Variants in RCAN2 observed in about 807,000 individuals in gnomAD.
RCAN2 encodes the protein regulator of calcineurin 2.
Under a neutral mutation model 23.6 loss-of-function variants are expected in RCAN2, and 9 were observed. That is an observed-to-expected ratio of 0.38 (90% CI 0.23 to 0.67). The LOEUF is 0.67. Among genes scored for constraint, RCAN2 ranks in the 30% least tolerant of loss-of-function variants. The pLI is 0.51. For missense variants in RCAN2, 273 were observed against 302.3 expected (o/e 0.90, Z 0.72); for synonymous variants, 109 against 115.7 (o/e 0.94, Z 0.37).
intron 4 of RCAN2, among the ~76,000 whole-genome samples, chr6:46,227,997 A>C (rs1765735890): frequency 6.6e-6 from 1 of 152,198 alleles, no homozygotes; most frequent in South Asian, 2.1e-4. Flanking sequence ...TTGGTTTCAA[A>C]GAACATCTTT....
intron 2 of RCAN2, among the ~76,000 whole-genome samples, chr6:46,444,990 C>T (rs745606483): frequency 2.6e-5 from 4 of 152,170 alleles, no homozygotes; most frequent in African/African-American, 4.8e-5. Flanking sequence ...CCAGTGTCCC[C>T]GGGCTCCAGT....
intron 1 of RCAN2, among the ~76,000 whole-genome samples, chr6:46,461,956 G>T (rs977856464): frequency 1.3e-5 from 2 of 152,180 alleles, no homozygotes; most frequent in Non-Finnish European, 2.9e-5. Context: ...CTACATGAAA[G>T]TCTTTTGAAG....
chr6:46,466,682 C>T (rs1768396055), intron 1 of RCAN2, among the ~76,000 whole-genome samples: 1 of 152,142 alleles, frequency 6.6e-6, no homozygotes, highest in African/African-American at 2.4e-5. Flanking sequence ...ATAAAAAACT[C>T]TTCAGCCCAG....
chr6:46,237,793 A>G (rs1264514971), intron 4 of RCAN2, among the ~76,000 whole-genome samples: 1 of 152,216 alleles, frequency 6.6e-6, no homozygotes. Flanking sequence ...CAGAATGCTC[A>G]TGCTTGGAAC....
At chr6:46,450,346 G>A (rs2150428451) in intron 2 of RCAN2, among the ~76,000 whole-genome samples, 1 of 152,152 alleles carries the variant, frequency 6.6e-6, no homozygotes, top group Admixed American at 6.5e-5. Context: ...TTGTTAGTGG[G>A]AATGTACATT....
chr6:46,232,474 C>T (rs924755834), intron 4 of RCAN2, among the ~76,000 whole-genome samples: 1 of 151,936 alleles, frequency 6.6e-6, no homozygotes, highest in Non-Finnish European at 1.5e-5. Flanking sequence ...TAAACACTGA[C>T]AATTAACTGG....
intron 2 of RCAN2, among the ~76,000 whole-genome samples, chr6:46,452,899 G>A (rs1010743812): frequency 2.0e-5 from 3 of 152,134 alleles, no homozygotes; most frequent in African/African-American, 7.2e-5. Flanking sequence ...AACAAAACCT[G>A]CACGTTCTGC....
At chr6:46,386,538 G>A (rs565176783) in intron 2 of RCAN2, among the ~76,000 whole-genome samples, 4 of 149,516 alleles carry the variant, frequency 2.7e-5, no homozygotes, top group South Asian at 2.1e-4. Context: ...AACTAGGGAG[G>A]TGGAGGTTGC....
intron 2 of RCAN2, among the ~76,000 whole-genome samples, chr6:46,384,341 T>C (rs1765687382): frequency 1.3e-5 from 2 of 152,162 alleles, no homozygotes; most frequent in Admixed American, 6.5e-5. Flanking sequence ...GACCAATATA[T>C]TATACATATT....
Position 46,420,868 on chromosome 6 carries a change from G to T in RCAN2, c.225+35884C>A, listed in dbSNP as rs551140635. Among the ~76,000 whole-genome samples, 4 of 152,114 alleles carry T rather than the reference G, an allele frequency of 2.6e-5. No homozygotes were observed. The South Asian group carries it at 6.2e-4, about 24-fold the overall frequency. On this transcript the variant is annotated intron_variant, in intron 2 of 4. Transcript: ENST00000371374. ...AGCCTGATCAACTATTTTTAACTGGGCACATAAAGATGCACAGACACTAGG... is the reference window on the plus strand; with the variant it reads ...AGCCTGATCAACTATTTTTAACTGGTCACATAAAGATGCACAGACACTAGG...
At chr6:46,339,898 A>G (rs1764251346) in intron 2 of RCAN2, among the ~76,000 whole-genome samples, 1 of 152,130 alleles carries the variant, frequency 6.6e-6, no homozygotes, top group African/African-American at 2.4e-5. Flanking sequence ...CCTCAGTGGA[A>G]AGCCATTCTC....
chr6:46,294,781 T>C (rs930770536), intron 2 of RCAN2, among the ~76,000 whole-genome samples: 1 of 152,212 alleles, frequency 6.6e-6, no homozygotes, highest in Non-Finnish European at 1.5e-5. Flanking sequence ...ACCACGGTTA[T>C]ATATTTGCTT....
intron 2 of RCAN2, among the ~76,000 whole-genome samples, chr6:46,329,535 A>T (rs555541174): frequency 6.6e-6 from 1 of 152,316 alleles, no homozygotes; most frequent in East Asian, 1.9e-4. Flanking sequence ...CATCTGAAAG[A>T]TGAATGGATA....
At chr6:46,244,179 G>A (rs767311689) in intron 4 of RCAN2, among the ~76,000 whole-genome samples, 3 of 152,220 alleles carry the variant, frequency 2.0e-5, no homozygotes, top group Non-Finnish European at 2.9e-5. Context: ...GGGTGCTATA[G>A]ATTAGCTGTA....
chr6:46,327,997 G>A (rs1181884409), intron 2 of RCAN2, among the ~76,000 whole-genome samples: 2 of 152,160 alleles, frequency 1.3e-5, no homozygotes, highest in Non-Finnish European at 1.5e-5. Flanking sequence ...CAAAGTAGAA[G>A]CAACACATTC....
In RCAN2 at chr6:46,456,771, A is replaced by G; in HGVS notation, c.206T>C (p.Phe69Ser). 1 of 1,550,866 alleles carries G rather than the reference A, an allele frequency of 6.4e-7. No homozygotes were observed. The highest frequency in any genetic ancestry group is 8.7e-7 in the Non-Finnish European group (1 of 1,146,984). Residue 69 changes from phenylalanine to serine, a missense_variant, in exon 2 of 5, where the codon TTT becomes TCT. Transcript: ENST00000371374. ...LFACNVHQSV[F>S]EGEESKEKFE... The stretch of plus-strand genomic sequence containing the variant: ...GCTTACCTTGCTCTCTTCTCCTTCA[A>G]ACACTGACTGGTGAACATTGCACGC...
intron 2 of RCAN2, among the ~76,000 whole-genome samples, chr6:46,432,720 A>C (rs1767251266): frequency 6.6e-6 from 1 of 152,120 alleles, no homozygotes; most frequent in Admixed American, 6.5e-5. Flanking sequence ...CAACTCAAAA[A>C]TCCCTATTTG....
chr6:46,452,140 A>G (rs1767899551), intron 2 of RCAN2, among the ~76,000 whole-genome samples: 1 of 152,206 alleles, frequency 6.6e-6, no homozygotes, highest in Non-Finnish European at 1.5e-5. Context: ...TTCAATAAAT[A>G]TCTGTATATC....
At chr6:46,367,053 A>ATATATATATATC (rs1561877011) in intron 2 of RCAN2, among the ~76,000 whole-genome samples, 1 of 126,384 alleles carries the variant, frequency 7.9e-6, no homozygotes, top group East Asian at 2.6e-4. Context: ...ATATATATAT[A>ATATATATATATC]TCCTAGCTGA....
Sources: gnomAD v4.1 joint callset for allele counts (sites outside exome capture counted in the v4.1 genomes callset) on GRCh38, gnomAD v4.1.1 for gene constraint, MANE v1.5 for transcripts, NCBI Gene and HGNC (gene_info 2026-07-23, HGNC 2026-07-21) for gene names.